MYO1D: variants seen among roughly 807,000 people sequenced by gnomAD.
The protein encoded by MYO1D is myosin ID.
In MYO1D, 83 loss-of-function variants were observed where a neutral mutation model predicts 122.0. That is an observed-to-expected ratio of 0.68 (90% CI 0.57 to 0.82). The LOEUF is 0.82. MYO1D is among the 40% of genes least tolerant of loss of function. The pLI is 0.00. For synonymous variants in MYO1D, 464 were observed against 446.9 expected (o/e 1.04, Z -0.48); for missense variants, 1,157 against 1,269.5 (o/e 0.91, Z 1.35).
chr17:32,591,929 G>A (rs190167255), intron 21 of MYO1D, among the ~76,000 whole-genome samples: 2 of 152,250 alleles, frequency 1.3e-5, no homozygotes, highest in African/African-American at 4.8e-5. Context: ...CACACTTTAA[G>A]GACCCCTGAT....
chr17:32,775,000 G>A (rs902565665), intron 4 of MYO1D, among the ~76,000 whole-genome samples: 1 of 152,120 alleles, frequency 6.6e-6, no homozygotes, highest in Non-Finnish European at 1.5e-5. Flanking sequence ...TGATAATCAA[G>A]ATTAGTTAAG....
chr17:32,807,224 GC>G (rs1292130969), intron 1 of MYO1D, among the ~76,000 whole-genome samples: 1 of 152,024 alleles, frequency 6.6e-6, no homozygotes, highest in Non-Finnish European at 1.5e-5. Context: ...AGTGTTTAAA[GC>G]AGTTTAAACA....
At chr17:32,604,981 A>G (rs2087608448) in intron 21 of MYO1D, 106 bp downstream of exon 21, 1 of 1,109,800 alleles carries the variant, frequency 9.0e-7, no homozygotes, top group Admixed American at 2.7e-5. Flanking sequence ...TTATGGAGAA[A>G]AATAGCTCAA....
chr17:32,522,682 G>A (rs958250136), intron 21 of MYO1D, among the ~76,000 whole-genome samples: 4 of 152,094 alleles, frequency 2.6e-5, no homozygotes, highest in Non-Finnish European at 4.4e-5. Flanking sequence ...TGAAGAACAC[G>A]GAAAAACGAG....
Position 32,702,923 on chromosome 17 carries a change from C to T in MYO1D, c.2121+9065G>A, listed in dbSNP as rs77777395. On this transcript the variant is annotated intron_variant, in intron 16 of 21. Transcript: ENST00000318217. The stretch of plus-strand genomic sequence containing the variant: ...GGAACATGGAGCAGGTAAGGGGTAG[C>T]ATAATTTAAATTTCCAAAGAGTTGA... 2.7e-4 allele frequency among the ~76,000 whole-genome samples: 41 copies of T among 152,112 alleles called. 1 individual carries two copies. Among genetic ancestry groups the T allele is most frequent in the Non-Finnish European group, 3.4e-4 (23 of 68,020 alleles).
chr17:32,701,594 A>C (rs1038586112), intron 16 of MYO1D, among the ~76,000 whole-genome samples: 1 of 152,062 alleles, frequency 6.6e-6, no homozygotes, highest in Non-Finnish European at 1.5e-5. Flanking sequence ...ACAGGGTCAC[A>C]CTCTGTCACT....
intron 14 of MYO1D, among the ~76,000 whole-genome samples, chr17:32,728,832 T>G (rs1247228492): frequency 6.6e-6 from 1 of 152,200 alleles, no homozygotes; most frequent in South Asian, 2.1e-4. Context: ...AATAGTTGAA[T>G]GGACTATTAC....
At chr17:32,831,240 A>T (rs920338315) in intron 1 of MYO1D, among the ~76,000 whole-genome samples, 2 of 152,208 alleles carry the variant, frequency 1.3e-5, no homozygotes, top group African/African-American at 4.8e-5. Flanking sequence ...TTCTGCCGAG[A>T]AAGAGAATAA....
At chr17:32,736,954 TTA>T (rs1291514343) in intron 14 of MYO1D, among the ~76,000 whole-genome samples, 1 of 152,174 alleles carries the variant, frequency 6.6e-6, no homozygotes, top group Non-Finnish European at 1.5e-5. Context: ...GGAGGTTTGA[TTA>T]TATAAGCCAA....
intron 1 of MYO1D, among the ~76,000 whole-genome samples, chr17:32,827,845 G>A (rs564730570): frequency 6.6e-6 from 1 of 152,100 alleles, no homozygotes; most frequent in Admixed American, 6.5e-5. Flanking sequence ...TCTCACTTAA[G>A]CAGAAAAATA....
chr17:32,803,296 G>A (rs2090476394), intron 1 of MYO1D, among the ~76,000 whole-genome samples: 1 of 152,086 alleles, frequency 6.6e-6, no homozygotes, highest in South Asian at 2.1e-4. Context: ...ACAGGTGCCC[G>A]CCACCACACC....
At chr17:32,852,762 T>A (rs1598156376) in intron 1 of MYO1D, among the ~76,000 whole-genome samples, 1 of 152,308 alleles carries the variant, frequency 6.6e-6, no homozygotes, top group South Asian at 2.1e-4. Context: ...ACAAGAATCA[T>A]GTATTTATAA....
At position 32,615,270 on chromosome 17, in the gene MYO1D, G is replaced by A. The variant is rs556015087; in HGVS notation, c.2710-10029C>T. The stretch of plus-strand genomic sequence containing the variant: ...AATCATGGCAGGCCTTCAAGAGGAG[G>A]TCAGTGAGGGCCTGAGGAAAACAGG... On this transcript the variant is annotated intron_variant, in intron 20 of 21. Coordinates refer to ENST00000318217, the MANE Select transcript of MYO1D (RefSeq NM_015194.3). Among the ~76,000 whole-genome samples, 4 of 152,312 alleles carry A rather than the reference G, an allele frequency of 2.6e-5. No homozygotes were observed. In the South Asian group the frequency reaches 8.3e-4, roughly 32 times the overall value.
intron 16 of MYO1D, among the ~76,000 whole-genome samples, chr17:32,704,789 T>C (rs1232199954): frequency 2.0e-5 from 3 of 152,138 alleles, no homozygotes; most frequent in Non-Finnish European, 4.4e-5. Flanking sequence ...TGAGGAATCC[T>C]ATGAAGGACT....
intron 20 of MYO1D, among the ~76,000 whole-genome samples, chr17:32,618,375 A>C (rs2087805061): frequency 6.6e-6 from 1 of 152,180 alleles, no homozygotes; most frequent in Admixed American, 6.5e-5. Flanking sequence ...CCACTCAGCA[A>C]AACTCTTCAG....
In MYO1D at chr17:32,698,856, CA is replaced by C. The variant is rs762244584; in HGVS notation, c.2121+13131del. ...TAATATAATCCAATAATAAAAAATG[CA>C]AAATGCAAATTTAACAAATAAATAT... On this transcript the variant is annotated intron_variant, in intron 16 of 21. Transcript: ENST00000318217. Among the ~76,000 whole-genome samples, 11 of 152,080 alleles carry C rather than the reference CA, an allele frequency of 7.2e-5. No homozygotes were observed. The East Asian group carries it at 1.2e-3, about 16-fold the overall frequency.
At chr17:32,826,093 G>A (rs1402889043) in intron 1 of MYO1D, among the ~76,000 whole-genome samples, 1 of 151,656 alleles carries the variant, frequency 6.6e-6, no homozygotes, top group Admixed American at 6.6e-5. Context: ...TTATTCTGGG[G>A]GTTAACTATT....
intron 6 of MYO1D, among the ~76,000 whole-genome samples, chr17:32,770,472 T>C (rs1221863958): frequency 1.3e-5 from 2 of 152,226 alleles, no homozygotes; most frequent in African/African-American, 4.8e-5. Flanking sequence ...CCTTCCCTCC[T>C]ACGAAATAGG....
chr17:32,683,431 T>A (rs2088952465), intron 16 of MYO1D, among the ~76,000 whole-genome samples: 1 of 152,336 alleles, frequency 6.6e-6, no homozygotes, highest in East Asian at 1.9e-4. Flanking sequence ...GTTTTCGGTG[T>A]GGATGTCCTT....
Sources: gnomAD v4.1 joint callset for allele counts (sites outside exome capture counted in the v4.1 genomes callset) on GRCh38, gnomAD v4.1.1 for gene constraint, MANE v1.5 for transcripts, NCBI Gene and HGNC (gene_info 2026-07-23, HGNC 2026-07-21) for gene names.